The following OSBPL5 variants were observed in gnomAD, a reference collection of about 807,000 sequenced individuals.
OSBPL5 encodes oxysterol binding protein like 5.
In OSBPL5, 71 loss-of-function variants were observed where a neutral mutation model predicts 111.2. The observed-to-expected ratio is 0.64, with a 90% CI of 0.53 to 0.78. OSBPL5 has a LOEUF of 0.78. OSBPL5 is among the 30% of genes least tolerant of loss of function. OSBPL5 has a pLI of 0.00. For synonymous variants in OSBPL5, 549 were observed against 513.9 expected (o/e 1.07, Z -0.93); for missense variants, 1,210 against 1,189.3 (o/e 1.02, Z -0.26).
At position 3,092,725 on chromosome 11, in the gene OSBPL5, G is replaced by C; in HGVS notation, c.2132+142C>G. On this transcript the variant is annotated intron_variant, in intron 18 of 21. Coordinates refer to ENST00000263650, the MANE Select transcript of OSBPL5 (RefSeq NM_020896.4). This position sits in a 1 kb window ranked among gnomAD's most constrained non-coding sequence, Gnocchi z 5.4. Reference sequence around the variant, plus strand: ...GCAGTAAGGACTGATGATGGGGGGTGTCACTATCTGACCCTCCCCCACCGA... The same window carrying C: ...GCAGTAAGGACTGATGATGGGGGGTCTCACTATCTGACCCTCCCCCACCGA... The C allele has an allele frequency of 7.5e-7, 1 of 1,331,264 alleles. No homozygotes were observed. Among genetic ancestry groups the C allele is most frequent in the Non-Finnish European group, 1.0e-6 (1 of 995,146 alleles). The allele number at this position is 1,331,264 out of a possible 1,614,324, so 82.5% of individuals were successfully genotyped here.
chr11:3,118,201 G>A (rs1445070912), intron 7 of OSBPL5, among the ~76,000 whole-genome samples: 1 of 152,200 alleles, frequency 6.6e-6, no homozygotes. Flanking sequence ...CCAAAATCAC[G>A]AAGCTAAAGG....
rs1041538640 is a variant in OSBPL5 at position 3,141,715 on chromosome 11, A to G, written c.-21-12546T>C. On this transcript the variant is annotated intron_variant, in intron 1 of 21. Coordinates refer to ENST00000263650, the MANE Select transcript of OSBPL5 (RefSeq NM_020896.4). The surrounding 1 kb of genome is among the most constrained non-coding windows in gnomAD (Gnocchi z 6.5). ...ATCCCAGTGCTTTGCCGAGGTGCCT[A>G]CGCCACCCTTGCATGTGTGTCCTCC... 4.6e-5 allele frequency among the ~76,000 whole-genome samples: 7 copies of G among 152,192 alleles called. No homozygotes were observed. Among genetic ancestry groups the G allele is most frequent in the Admixed American group, 3.3e-4 (5 of 15,294 alleles).
chr11:3,119,724 G>A, intron 6 of OSBPL5, 93 bp from the exon 7 acceptor site: 1 of 1,222,554 alleles, frequency 8.2e-7, no homozygotes, highest in African/African-American at 1.6e-5. Flanking sequence ...CCACACCTGG[G>A]ACCACCTGGA....
At chr11:3,131,863 A>ATCCATCCTCCTG (rs201921998) in intron 1 of OSBPL5, among the ~76,000 whole-genome samples, 51,810 of 92,256 alleles carry the variant, frequency 0.56, 17,473 homozygotes, top group Non-Finnish European at 0.64. Context: ...CAAACCATCC[A>ATCCATCCTCCTG]TCCATCCATC....
At chr11:3,128,077 C>T (rs930828688) in intron 2 of OSBPL5, among the ~76,000 whole-genome samples, 2 of 152,338 alleles carry the variant, frequency 1.3e-5, no homozygotes, top group East Asian at 1.9e-4. Flanking sequence ...TGCCGGGTGT[C>T]GAGTGCCCCT....
Position 3,146,062 on chromosome 11 carries a change from G to T in OSBPL5, c.-21-16893C>A, listed in dbSNP as rs11025605. 27,567 of 152,126 alleles carry T rather than the reference G, an allele frequency of 0.18. 2,841 individuals are homozygous for T. Among genetic ancestry groups the T allele is most frequent in the African/African-American group, 0.28 (11,552 of 41,460 alleles). The allele number at this position is 152,126 out of a possible 1,614,324, so 9.4% of individuals were successfully genotyped here. ...CCTGCCGGGAGCAAGCCAGACCCAGGGGCCTTGGCCCCAGGAGCCCACAGA... is the reference window on the plus strand; with the variant it reads ...CCTGCCGGGAGCAAGCCAGACCCAGTGGCCTTGGCCCCAGGAGCCCACAGA... On this transcript the variant is annotated intron_variant, in intron 1 of 21. Transcript: ENST00000263650. The surrounding 1 kb of genome is among the most constrained non-coding windows in gnomAD (Gnocchi z 7.8).
intron 7 of OSBPL5, among the ~76,000 whole-genome samples, chr11:3,112,520 G>A (rs1177763274): frequency 7.1e-6 from 1 of 141,496 alleles, no homozygotes; most frequent in Admixed American, 7.2e-5. Flanking sequence ...TTGCAACAGT[G>A]GTTACTCTTG....
Position 3,121,752 on chromosome 11 carries a change from G to C in OSBPL5, c.402+245C>G. Reference sequence around the variant, plus strand: ...AATGGGGTCTTTGCAGACATAATCAGGTGAAGATGGGGCTACACTGGAGTA... The same window carrying C: ...AATGGGGTCTTTGCAGACATAATCACGTGAAGATGGGGCTACACTGGAGTA... On this transcript the variant is annotated intron_variant, in intron 5 of 21. Coordinates refer to ENST00000263650, the MANE Select transcript of OSBPL5 (RefSeq NM_020896.4). The surrounding 1 kb of genome is among the most constrained non-coding windows in gnomAD (Gnocchi z 4.3). 1.8e-6 allele frequency: 1 copy of C among 550,892 alleles called. No homozygotes were observed. Among genetic ancestry groups the C allele is most frequent in the Non-Finnish European group, 3.2e-6 (1 of 308,152 alleles). 34.1% of individuals were successfully genotyped at this position (550,892 alleles called of 1,614,324 possible).
intron 1 of OSBPL5, among the ~76,000 whole-genome samples, chr11:3,156,580 T>C (rs950607103): frequency 1.1e-4 from 17 of 152,126 alleles, no homozygotes; most frequent in Non-Finnish European, 5.9e-5. Context: ...TACACGCAAC[T>C]TGTAGCTGCT....
At chr11:3,096,962 G>C (rs1453815865) in intron 14 of OSBPL5, among the ~76,000 whole-genome samples, 2 of 31,088 alleles carry the variant, frequency 6.4e-5, no homozygotes, top group African/African-American at 1.8e-4. Flanking sequence ...GGGAGGAGGA[G>C]AAGAGGAAAG....
chr11:3,100,216 G>A lies in OSBPL5; in HGVS notation c.1563C>T (p.Leu521=). Residue 521 remains leucine, a synonymous_variant, in exon 14 of 22, where the codon CTC becomes CTT. Transcript: ENST00000263650. ...LSALLDGKAT[L]TFLNRAEDYT... is the part of the protein sequence containing the mutation. ...AATCCTCGGCTCGGTTCAGGAAGGTGAGCGTGGCTTTGCCGTCCAGCAGCG... is the reference window on the plus strand; with the variant it reads ...AATCCTCGGCTCGGTTCAGGAAGGTAAGCGTGGCTTTGCCGTCCAGCAGCG... The A allele has an allele frequency of 1.2e-6, 2 of 1,614,168 alleles. No homozygotes were observed. The highest frequency in any genetic ancestry group is 1.7e-6 in the Non-Finnish European group (2 of 1,180,028).
At chr11:3,103,749 T>TTC (rs1857555316) in intron 10 of OSBPL5, among the ~76,000 whole-genome samples, 1 of 45,528 alleles carries the variant, frequency 2.2e-5, no homozygotes, top group Non-Finnish European at 4.2e-5. Flanking sequence ...TCTGCAACCC[T>TTC]CTTCCAGCTC....
In OSBPL5 at chr11:3,092,716, A is replaced by C. The variant is rs1005333621; in HGVS notation, c.2132+151T>G. On this transcript the variant is annotated intron_variant, in intron 18 of 21. Transcript: ENST00000263650. The surrounding 1 kb of genome is among the most constrained non-coding windows in gnomAD (Gnocchi z 5.4). ...GCAGGGCCTGCAGTAAGGACTGATG[A>C]TGGGGGGTGTCACTATCTGACCCTC... 5 of 1,317,870 alleles carry C rather than the reference A, an allele frequency of 3.8e-6. No individual in the cohort carries two copies. The highest frequency in any genetic ancestry group is 2.6e-5 in the East Asian group (1 of 39,194). 81.6% of individuals were successfully genotyped at this position (1,317,870 alleles called of 1,614,324 possible). A position where few individuals can be genotyped will look rare whatever the true frequency, so the allele number is the denominator to read the frequency against.
chr11:3,103,460 C>T, intron 10 of OSBPL5, 140 bp from the exon 11 acceptor site: 1 of 681,188 alleles, frequency 1.5e-6, no homozygotes, highest in East Asian at 2.9e-5. Flanking sequence ...GCTCTGGTCA[C>T]CCCCAAGCAG....
chr11:3,130,745 GTGTC>G lies in OSBPL5; in HGVS notation c.-21-1580_-21-1577del, dbSNP rs1334585866. 6.6e-6 allele frequency among the ~76,000 whole-genome samples: 1 copy of G among 152,230 alleles called. No individual in the cohort carries two copies. Among genetic ancestry groups the G allele is most frequent in the African/African-American group, 2.4e-5 (1 of 41,458 alleles). On this transcript the variant is annotated intron_variant, in intron 1 of 21. Coordinates refer to ENST00000263650, the MANE Select transcript of OSBPL5 (RefSeq NM_020896.4). The surrounding 1 kb of genome is among the most constrained non-coding windows in gnomAD (Gnocchi z 4.5). ...ACCGATCCTAAAACCCAGCCGCTGA[GTGTC>G]TGCCCACTCAGTGTCTCAGCTTGGC... is the stretch of plus-strand genomic sequence containing the variant.
intron 7 of OSBPL5, among the ~76,000 whole-genome samples, chr11:3,112,531 G>A (rs1289442747): frequency 1.4e-5 from 2 of 142,620 alleles, no homozygotes; most frequent in Non-Finnish European, 3.0e-5. Flanking sequence ...GTTACTCTTG[G>A]GCTTTTAAGG....
intron 1 of OSBPL5, among the ~76,000 whole-genome samples, chr11:3,148,337 C>T (rs995943117): frequency 2.6e-5 from 4 of 152,250 alleles, no homozygotes; most frequent in African/African-American, 4.8e-5. Flanking sequence ...CATGTGGGCC[C>T]CCACCCCTGA....
chr11:3,128,591 G>C (rs7938206), intron 2 of OSBPL5, among the ~76,000 whole-genome samples: 105,753 of 152,074 alleles, frequency 0.7, 37,571 homozygotes, highest in African/African-American at 0.83. Context: ...GTATAGCTGG[G>C]AGTAGGTACT....
At chr11:3,102,135 C>A (rs908313106) in intron 12 of OSBPL5, 48 bp downstream of exon 12, 10 of 1,542,576 alleles carry the variant, frequency 6.5e-6, no homozygotes, top group Non-Finnish European at 8.8e-7. Context: ...CAGAGCCCCG[C>A]CCCATAGAGC....
Sources: gnomAD v4.1 joint callset for allele counts (sites outside exome capture counted in the v4.1 genomes callset) on GRCh38, gnomAD v4.1.1 for gene constraint, Gnocchi (gnomAD v3.1) non-coding constraint, MANE v1.5 for transcripts, NCBI Gene and HGNC (gene_info 2026-07-23, HGNC 2026-07-21) for gene names.